Variants in ABLIM3 observed in about 807,000 individuals in gnomAD.
The protein encoded by ABLIM3 is actin-binding LIM protein 3.
A neutral mutation model predicts 109.5 loss-of-function variants in ABLIM3; 61 were observed. The ratio of observed to expected loss-of-function variants is 0.56; its 90% confidence interval spans 0.45 to 0.69. The LOEUF is 0.69. Ranked by LOEUF, ABLIM3 falls within the 30% of genes least tolerant of loss-of-function variation. The pLI, the probability that ABLIM3 is intolerant of heterozygous loss-of-function variation, is 0.00. For missense variants in ABLIM3, 796 were observed against 889.5 expected (o/e 0.89, Z 1.34); for synonymous variants, 300 against 324.8 (o/e 0.92, Z 0.82).
intron 22 of ABLIM3, 121 bp downstream of exon 22, chr5:149,252,329 G>A: frequency 8.5e-7 from 1 of 1,179,124 alleles, no homozygotes; most frequent in Non-Finnish European, 1.2e-6. Flanking sequence ...ATAACCCCAG[G>A]GGTCCTTTCA....
intron 8 of ABLIM3, among the ~76,000 whole-genome samples, chr5:149,229,572 G>T (rs184176052): frequency 6.6e-6 from 1 of 152,120 alleles, no homozygotes; most frequent in Admixed American, 6.5e-5. Flanking sequence ...CTAGTATTCC[G>T]GTCCTGGGGG....
intron 14 of ABLIM3, 67 bp downstream of exon 14, chr5:149,240,841 C>A: frequency 1.4e-6 from 2 of 1,459,452 alleles, no homozygotes; most frequent in South Asian, 1.1e-5. Flanking sequence ...GTGCCTGAGT[C>A]ACCCCCTCGA....
chr5:149,207,309 G>T (rs113614528), intron 6 of ABLIM3, among the ~76,000 whole-genome samples, 175 bp downstream of exon 6: 1 of 152,006 alleles, frequency 6.6e-6, no homozygotes, highest in African/African-American at 2.4e-5. Flanking sequence ...ACCCTCCCGG[G>T]GGGGTTTCCC....
intron 23 of ABLIM3, among the ~76,000 whole-genome samples, chr5:149,256,830 G>T (rs76173047): frequency 0.016 from 2,442 of 152,306 alleles, 31 homozygotes; most frequent in Non-Finnish European, 0.029. Flanking sequence ...CTTTTGTGTA[G>T]TTTTGACATT....
intron 3 of ABLIM3, among the ~76,000 whole-genome samples, chr5:149,187,561 T>C (rs1016443904): frequency 2.0e-5 from 3 of 152,268 alleles, no homozygotes; most frequent in East Asian, 1.9e-4. Flanking sequence ...TTCTGTTAGA[T>C]ATGAGTTCTA....
At chr5:149,250,546 C>A in intron 20 of ABLIM3, 41 bp downstream of exon 20, 1 of 1,609,376 alleles carries the variant, frequency 6.2e-7, no homozygotes, top group Non-Finnish European at 8.5e-7. Context: ...ACGTTGTCCC[C>A]AAAATGCTAA....
At chr5:149,161,009 T>G (rs1283708046) in intron 2 of ABLIM3, among the ~76,000 whole-genome samples, 1 of 152,172 alleles carries the variant, frequency 6.6e-6, no homozygotes, top group African/African-American at 2.4e-5. Context: ...ATCCCCTCCC[T>G]CTATCTCTTC....
chr5:149,217,028 G>A lies in ABLIM3; in HGVS notation c.739G>A (p.Glu247Lys). 1 of 1,614,222 alleles carries A rather than the reference G, an allele frequency of 6.2e-7. No homozygotes were observed. Among genetic ancestry groups the A allele is most frequent in the South Asian group, 1.1e-5 (1 of 91,084 alleles). ...VRCHQMFTEG[E>K]EMYLTGSEVW... ...CTGCCACCAGATGTTCACCGAAGGA[G>A]AGGAAATGTACCTCACAGGTAAGTA... Residue 247 changes from glutamate (E) to lysine (K), a missense_variant, in exon 8 of 24, where the codon GAG becomes AAG. Transcript: ENST00000309868.
At chr5:149,243,446 A>C (rs890520123) in intron 15 of ABLIM3, 1 of 152,258 alleles carries the variant, frequency 6.6e-6, no homozygotes, top group Non-Finnish European at 1.5e-5. Context: ...TAGCTGGATA[A>C]CAAAAGGAGG....
rs1301301695 is a variant in ABLIM3 at position 149,240,780 on chromosome 5, C to T, written c.1303+6C>T. 28 of 1,613,218 alleles carry T rather than the reference C, an allele frequency of 1.7e-5. No homozygotes were observed. Among genetic ancestry groups the T allele is most frequent in the Non-Finnish European group, 2.2e-5 (26 of 1,179,322 alleles). ...CAAGCACTTTCACATCCCAGGTAGG[C>T]ACTGCCAGCCCAGAATTCCTGGGAT... is the stretch of plus-strand genomic sequence containing the variant. On this transcript the variant is annotated splice_donor_region_variant and intron_variant, in intron 14 of 23. Coordinates refer to ENST00000309868, the MANE Select transcript of ABLIM3 (RefSeq NM_014945.5).
At chr5:149,197,132 A>G (rs1438016660) in intron 3 of ABLIM3, among the ~76,000 whole-genome samples, 1 of 152,208 alleles carries the variant, frequency 6.6e-6, no homozygotes, top group African/African-American at 2.4e-5. Context: ...AGGGAAAAAA[A>G]CGTCCACGGC....
intron 3 of ABLIM3, among the ~76,000 whole-genome samples, chr5:149,188,857 T>C (rs77790908): frequency 0.017 from 2,635 of 152,330 alleles, 28 homozygotes; most frequent in Admixed American, 0.02. Context: ...CCAAAATTGA[T>C]GGTCTGATCC....
chr5:149,247,532 C>T (rs1451838480), intron 17 of ABLIM3: 16 of 661,880 alleles, frequency 2.4e-5, no homozygotes, highest in Non-Finnish European at 3.9e-5. Flanking sequence ...CAATGGGATC[C>T]TGTCACTGGC....
At chr5:149,168,390 G>A (rs1281894539) in intron 2 of ABLIM3, among the ~76,000 whole-genome samples, 2 of 152,210 alleles carry the variant, frequency 1.3e-5, no homozygotes, top group African/African-American at 4.8e-5. Context: ...GTTTGCACAA[G>A]TGACACCATC....
intron 2 of ABLIM3, among the ~76,000 whole-genome samples, chr5:149,172,341 G>A (rs558663622): frequency 2.6e-4 from 39 of 152,178 alleles, no homozygotes; most frequent in South Asian, 4.2e-4. Context: ...TCACATATTC[G>A]TGTACTGAGT....
rs1229960432 is a variant in ABLIM3 at position 149,258,280 on chromosome 5, G to C, written c.1939-11G>C. 2 of 1,600,684 alleles carry C rather than the reference G, an allele frequency of 1.2e-6. No individual in the cohort carries two copies. The highest frequency in any genetic ancestry group is 1.7e-5 in the Admixed American group (1 of 57,516). ...CTGTCCCCCCACCCCCGCCTGCCCTGCCTCCTTCAGCGCCACCTGTCCCAG... is the reference window on the plus strand; with the variant it reads ...CTGTCCCCCCACCCCCGCCTGCCCTCCCTCCTTCAGCGCCACCTGTCCCAG... On this transcript the variant is annotated splice_polypyrimidine_tract_variant and intron_variant, in intron 23 of 23. Coordinates refer to ENST00000309868, the MANE Select transcript of ABLIM3 (RefSeq NM_014945.5).
chr5:149,151,763 G>A (rs1490859249), intron 2 of ABLIM3, among the ~76,000 whole-genome samples: 2 of 152,224 alleles, frequency 1.3e-5, no homozygotes, highest in Non-Finnish European at 2.9e-5. Flanking sequence ...TGTTTCAATA[G>A]TGTAAGGGAA....
chr5:149,229,164 A>G (rs1209238429), intron 8 of ABLIM3, among the ~76,000 whole-genome samples: 1 of 152,182 alleles, frequency 6.6e-6, no homozygotes, highest in African/African-American at 2.4e-5. Context: ...AAGAATCCCA[A>G]CACACAGCTT....
intron 3 of ABLIM3, among the ~76,000 whole-genome samples, chr5:149,186,535 A>G (rs1756978714): frequency 1.3e-5 from 2 of 152,194 alleles, no homozygotes; most frequent in African/African-American, 4.8e-5. Context: ...ATAACAATAT[A>G]TAAAATATGT....
Sources: gnomAD v4.1 joint callset for allele counts (sites outside exome capture counted in the v4.1 genomes callset) on GRCh38, gnomAD v4.1.1 for gene constraint, MANE v1.5 for transcripts, NCBI Gene and HGNC (gene_info 2026-07-23, HGNC 2026-07-21) for gene names.